TMEM132C: variants seen among roughly 807,000 people sequenced by gnomAD.
The protein encoded by TMEM132C is protein phosphatase 1, regulatory subunit 152.
A neutral mutation model predicts 61.4 loss-of-function variants in TMEM132C; 29 were observed. The observed-to-expected ratio is 0.47, with a 90% CI of 0.35 to 0.64. TMEM132C has a LOEUF of 0.64. TMEM132C is among the 30% of genes least tolerant of loss of function. TMEM132C has a pLI of 0.00. For missense variants in TMEM132C, 1,408 were observed against 1,476.9 expected, an observed-to-expected ratio of 0.95 and a Z score of 0.76; for synonymous variants, 656 against 633.1, an observed-to-expected ratio of 1.04 and a Z score of -0.54.
rs542736452 is a variant in TMEM132C, at chr12:128,340,716, T to C, written c.85+73229T>C. Among the ~76,000 whole-genome samples, 408 of 151,672 alleles carry C rather than the reference T, an allele frequency of 2.7e-3. 3 individuals carry two copies. Among genetic ancestry groups the C allele is most frequent in the African/African-American group, 9.3e-3 (384 of 41,256 alleles). On this transcript the variant is annotated intron_variant, in intron 1 of 8. Coordinates refer to ENST00000435159, the MANE Select transcript of TMEM132C (RefSeq NM_001136103.3). ...TTCTTTCTTTCTCTTTCTTTCTCTT[T>C]CTTCCTTCCTTCCTTCCTTCCTTTC... is the stretch of plus-strand genomic sequence containing the variant.
At chr12:128,685,686 A>C (rs144460502) in intron 5 of TMEM132C, among the ~76,000 whole-genome samples, 4 of 152,176 alleles carry the variant, frequency 2.6e-5, no homozygotes, top group African/African-American at 9.7e-5. Flanking sequence ...ATGATGGAGG[A>C]GAAGGCGGGC....
At chr12:128,622,401 A>ATATATATATATAT (rs1565994613) in intron 4 of TMEM132C, among the ~76,000 whole-genome samples, 4 of 131,704 alleles carry the variant, frequency 3.0e-5, no homozygotes, top group Non-Finnish European at 6.5e-5. Flanking sequence ...ATATATATAT[A>ATATATATATATAT]ACCAGGAAAC....
intron 3 of TMEM132C, among the ~76,000 whole-genome samples, chr12:128,572,995 T>C (rs896571996): frequency 6.6e-6 from 1 of 152,240 alleles, no homozygotes; most frequent in African/African-American, 2.4e-5. Flanking sequence ...CACTTTTACA[T>C]TGTTGGTGGG....
chr12:128,301,878 G>A (rs757068748), intron 1 of TMEM132C, among the ~76,000 whole-genome samples: 1 of 152,214 alleles, frequency 6.6e-6, no homozygotes, highest in Non-Finnish European at 1.5e-5. Context: ...AATCATGGCG[G>A]AAGGCAAAAG....
At chr12:128,590,676 G>T (rs555006672) in intron 3 of TMEM132C, among the ~76,000 whole-genome samples, 1 of 152,182 alleles carries the variant, frequency 6.6e-6, no homozygotes, top group African/African-American at 2.4e-5. Context: ...ATAAGGAGAC[G>T]CAGGAGGTTC....
chr12:128,520,064 C>G (rs1471677549), intron 2 of TMEM132C, among the ~76,000 whole-genome samples: 1 of 152,212 alleles, frequency 6.6e-6, no homozygotes, highest in East Asian at 1.9e-4. Flanking sequence ...TGTTTAAACT[C>G]TCAGAGGAAT....
chr12:128,355,968 G>T (rs1324022608), intron 1 of TMEM132C, among the ~76,000 whole-genome samples: 1 of 152,046 alleles, frequency 6.6e-6, no homozygotes, highest in Non-Finnish European at 1.5e-5. Flanking sequence ...ATCTTTCCCT[G>T]CTGCAAGCAG....
chr12:128,467,213 G>T (rs987271242), intron 2 of TMEM132C, among the ~76,000 whole-genome samples: 1 of 152,200 alleles, frequency 6.6e-6, no homozygotes, highest in African/African-American at 2.4e-5. Context: ...CTCCGGGTAT[G>T]TTGGGGTGGT....
chr12:128,658,011 C>T (rs953501023), intron 4 of TMEM132C, among the ~76,000 whole-genome samples: 3 of 150,208 alleles, frequency 2.0e-5, no homozygotes, highest in Admixed American at 6.6e-5. Flanking sequence ...GGAGCAGGGA[C>T]GCAGCTCCCA....
intron 4 of TMEM132C, among the ~76,000 whole-genome samples, chr12:128,660,868 C>A (rs1013921812): frequency 5.9e-5 from 9 of 152,040 alleles, no homozygotes; most frequent in African/African-American, 2.2e-4. Flanking sequence ...GCTGGTAAAA[C>A]AGCAGGTTTC....
chr12:128,429,784 G>T lies in TMEM132C; in HGVS notation c.974+14164G>T, dbSNP rs1013661523. 3.3e-5 allele frequency among the ~76,000 whole-genome samples: 5 copies of T among 152,210 alleles called. No homozygotes were observed. In the East Asian group the frequency reaches 7.7e-4, roughly 23 times the overall value. On this transcript the variant is annotated intron_variant, in intron 2 of 8. Coordinates refer to ENST00000435159, the MANE Select transcript of TMEM132C (RefSeq NM_001136103.3). ...TGGATAACACACTGGCAGAAAGAGT[G>T]TCACACCTTCATTATGATGCATTTC...
chr12:128,471,910 C>T (rs1870965596), intron 2 of TMEM132C, among the ~76,000 whole-genome samples: 1 of 152,072 alleles, frequency 6.6e-6, no homozygotes, highest in Non-Finnish European at 1.5e-5. Context: ...GTCAAATTTC[C>T]AGCAATGTTC....
At chr12:128,478,642 T>A (rs770630478) in intron 2 of TMEM132C, among the ~76,000 whole-genome samples, 11 of 152,240 alleles carry the variant, frequency 7.2e-5, no homozygotes, top group Non-Finnish European at 1.3e-4. Context: ...ATCTTATAGC[T>A]CACTGAAAGG....
At chr12:128,505,372 G>A (rs560426083) in intron 2 of TMEM132C, among the ~76,000 whole-genome samples, 36 of 152,280 alleles carry the variant, frequency 2.4e-4, no homozygotes, top group African/African-American at 8.2e-4. Flanking sequence ...GGCATCTCTA[G>A]TGTCAGTGTG....
intron 3 of TMEM132C, among the ~76,000 whole-genome samples, chr12:128,556,612 G>C (rs1020226840): frequency 6.6e-6 from 1 of 152,240 alleles, no homozygotes; most frequent in Non-Finnish European, 1.5e-5. Context: ...CTTGAAACTG[G>C]GTGGGCTGTA....
At chr12:128,496,793 C>T (rs777473131) in intron 2 of TMEM132C, among the ~76,000 whole-genome samples, 38 of 152,150 alleles carry the variant, frequency 2.5e-4, no homozygotes, top group Middle Eastern at 3.2e-3. Context: ...TCCTTTAGCT[C>T]GGAGAAGTTT....
intron 2 of TMEM132C, among the ~76,000 whole-genome samples, chr12:128,537,996 G>A (rs1443804807): frequency 6.6e-6 from 1 of 152,158 alleles, no homozygotes; most frequent in Admixed American, 6.5e-5. Flanking sequence ...CCAGGCTGGA[G>A]TGTAGCAGTG....
At chr12:128,571,030 G>T (rs374036754) in intron 3 of TMEM132C, among the ~76,000 whole-genome samples, 1 of 152,222 alleles carries the variant, frequency 6.6e-6, no homozygotes. Context: ...TGGCCCAGGA[G>T]ACAGGAGGGA....
intron 1 of TMEM132C, among the ~76,000 whole-genome samples, chr12:128,304,099 A>G (rs1871681312): frequency 6.6e-6 from 1 of 152,176 alleles, no homozygotes; most frequent in Admixed American, 6.5e-5. Context: ...GTAACAGCTG[A>G]CTGATACCCT....
Sources: gnomAD v4.1 joint callset for allele counts (sites outside exome capture counted in the v4.1 genomes callset) on GRCh38, gnomAD v4.1.1 for gene constraint, MANE v1.5 for transcripts, NCBI Gene and HGNC (gene_info 2026-07-23, HGNC 2026-07-21) for gene names.